Variants in ACYP2 observed in about 807,000 individuals in gnomAD.
ACYP2 encodes acylphosphatase-2.
Under a neutral mutation model 11.2 loss-of-function variants are expected in ACYP2, and 12 were observed. The observed-to-expected ratio is 1.08, with a 90% CI of 0.69 to 1.74. The LOEUF is 1.74. ACYP2 is among the 40% of genes most tolerant of loss of function. ACYP2 has a pLI of 0.00. For synonymous variants in ACYP2, 43 were observed against 32.2 expected, an observed-to-expected ratio of 1.33 and a Z score of -1.13; for missense variants, 134 against 101.9, an observed-to-expected ratio of 1.31 and a Z score of -1.35.
At chr2:53,973,049 C>T (rs1293343400) in intron 1 of ACYP2, among the ~76,000 whole-genome samples, 2 of 152,002 alleles carry the variant, frequency 1.3e-5, no homozygotes, top group Non-Finnish European at 2.9e-5. Flanking sequence ...GAAGGTAGGC[C>T]ACAAAGAATA....
intron 6 of ACYP2, among the ~76,000 whole-genome samples, chr2:54,148,970 G>C (rs1054265037): frequency 1.3e-5 from 2 of 152,160 alleles, no homozygotes; most frequent in African/African-American, 4.8e-5. Context: ...AATAGTGCCA[G>C]TCCAGGAACG....
rs547791076 is a variant in ACYP2, at chr2:54,066,456, C to T, written c.277+9096C>T. Among the ~76,000 whole-genome samples the T allele has an allele frequency of 3.9e-4, 60 of 152,262 alleles. 1 individual carries two copies. In the South Asian group the frequency reaches 0.012, roughly 29 times the overall value. On this transcript the variant is annotated intron_variant, in intron 4 of 6. Coordinates refer to ENST00000607452, the MANE Select transcript of ACYP2 (RefSeq NM_001320586.2). ...AGCAGTGTGAAAACAAACTAGTGCA[C>T]GCTTCAACCGTATGAAATAGATATT...
intron 6 of ACYP2, among the ~76,000 whole-genome samples, chr2:54,252,509 G>A (rs843709): frequency 0.42 from 63,982 of 151,750 alleles, 13,734 homozygotes; most frequent in South Asian, 0.56. Context: ...ACAGTATATG[G>A]GCCTTTTGGT....
chr2:54,113,924 G>A (rs1245171898), intron 4 of ACYP2, among the ~76,000 whole-genome samples: 1 of 152,154 alleles, frequency 6.6e-6, no homozygotes, highest in African/African-American at 2.4e-5. Flanking sequence ...TCTAGAGTCT[G>A]CATGGAATGA....
intron 4 of ACYP2, among the ~76,000 whole-genome samples, chr2:54,126,336 G>A (rs1680498831): frequency 6.6e-6 from 1 of 152,102 alleles, no homozygotes; most frequent in Admixed American, 6.5e-5. Context: ...GTAATTCTGT[G>A]CAACCAGTTT....
chr2:53,986,678 G>A (rs1224240348), intron 2 of ACYP2, among the ~76,000 whole-genome samples: 2 of 148,654 alleles, frequency 1.3e-5, no homozygotes, highest in African/African-American at 5.0e-5. Context: ...AGGATGGAGT[G>A]CAGTGGTGTG....
At position 54,100,898 on chromosome 2, in the gene ACYP2, A is replaced by G. The variant is rs1256866876; in HGVS notation, c.278-34555A>G. Among the ~76,000 whole-genome samples, 26 of 152,240 alleles carry G rather than the reference A, an allele frequency of 1.7e-4. 1 individual carries two copies. Among genetic ancestry groups the G allele is most frequent in the Admixed American group, 1.7e-3 (26 of 15,290 alleles). On this transcript the variant is annotated intron_variant, in intron 4 of 6. Coordinates refer to ENST00000607452, the MANE Select transcript of ACYP2 (RefSeq NM_001320586.2). The stretch of plus-strand genomic sequence containing the variant: ...ATAAAATGTCTTGAATATCATGCCA[A>G]GAAATGTGGACTTTGTAGGTGCTAG...
rs1672545388 is a variant in ACYP2, at chr2:53,995,789, A to G, written c.62+21979A>G. On this transcript the variant is annotated intron_variant, in intron 2 of 6. Coordinates refer to ENST00000607452, the MANE Select transcript of ACYP2 (RefSeq NM_001320586.2). ...AATTTTTTACTTATGTAAATTTTGT[A>G]GGGTGTAACTTCCCACATATTTCCA... Among the ~76,000 whole-genome samples the G allele has an allele frequency of 2.6e-5, 4 of 152,088 alleles. No homozygotes were observed. The South Asian group carries it at 8.3e-4, about 32-fold the overall frequency.
At chr2:54,148,369 G>A (rs942200554) in intron 6 of ACYP2, among the ~76,000 whole-genome samples, 13 of 152,198 alleles carry the variant, frequency 8.5e-5, no homozygotes, top group African/African-American at 1.2e-4. Flanking sequence ...TGGGGCTTCA[G>A]GTGAAAGAAG....
At chr2:54,294,249 C>T (rs1006736906) in intron 6 of ACYP2, among the ~76,000 whole-genome samples, 4 of 152,056 alleles carry the variant, frequency 2.6e-5, no homozygotes, top group Admixed American at 6.5e-5. Flanking sequence ...TTTATATCAC[C>T]CCAGGAGCTT....
chr2:54,031,368 A>G (rs1455019903), intron 2 of ACYP2, among the ~76,000 whole-genome samples: 1 of 147,722 alleles, frequency 6.8e-6, no homozygotes, highest in Non-Finnish European at 1.5e-5. Context: ...GAGTGAGAAC[A>G]TGCAGTGTTT....
chr2:54,072,513 T>TTTTTCTTCTTTCTTTCTTTCC (rs148411653), intron 4 of ACYP2, among the ~76,000 whole-genome samples: 10 of 146,152 alleles, frequency 6.8e-5, no homozygotes, highest in South Asian at 4.4e-4. Context: ...CTCTCTCTCT[T>TTTTTCTTCTTTCTTTCTTTCC]TCTTTCTTCT....
chr2:54,233,243 G>T (rs970298924), intron 6 of ACYP2, among the ~76,000 whole-genome samples: 6 of 150,334 alleles, frequency 4.0e-5, no homozygotes, highest in African/African-American at 7.4e-5. Flanking sequence ...TGACATATGT[G>T]TATACCTGTG....
intron 6 of ACYP2, among the ~76,000 whole-genome samples, chr2:54,293,060 C>T (rs10195643): frequency 0.028 from 4,206 of 152,210 alleles, 197 homozygotes; most frequent in African/African-American, 0.094. Flanking sequence ...GTGTTAAACA[C>T]TTTACAGATT....
intron 6 of ACYP2, among the ~76,000 whole-genome samples, chr2:54,173,663 T>C (rs1683316817): frequency 6.6e-6 from 1 of 152,230 alleles, no homozygotes; most frequent in East Asian, 1.9e-4. Flanking sequence ...TAGGGTTTTA[T>C]GGTTTTAGGT....
intron 2 of ACYP2, among the ~76,000 whole-genome samples, chr2:54,019,622 T>C (rs1420496643): frequency 6.6e-6 from 1 of 150,570 alleles, no homozygotes; most frequent in Non-Finnish European, 1.5e-5. Context: ...ATTATTATTA[T>C]TATTATTATT....
At chr2:54,081,151 G>A (rs558329222) in intron 4 of ACYP2, among the ~76,000 whole-genome samples, 3 of 152,222 alleles carry the variant, frequency 2.0e-5, no homozygotes, top group South Asian at 2.1e-4. Context: ...ATCAGTGTTC[G>A]AGGAGTCTGC....
At chr2:54,175,978 C>A (rs190662995) in intron 6 of ACYP2, among the ~76,000 whole-genome samples, 26 of 152,174 alleles carry the variant, frequency 1.7e-4, no homozygotes, top group Admixed American at 9.8e-4. Flanking sequence ...GCTCTCACAC[C>A]CCCTTTACCA....
chr2:54,110,974 G>A (rs1679430970), intron 4 of ACYP2, among the ~76,000 whole-genome samples: 2 of 152,044 alleles, frequency 1.3e-5, no homozygotes, highest in African/African-American at 4.8e-5. Flanking sequence ...TGGTAGGGCA[G>A]AGATATGAGC....
Sources: allele counts gnomAD v4.1 joint callset (sites outside exome capture counted in the v4.1 genomes callset), GRCh38; gene constraint gnomAD v4.1.1; transcripts MANE v1.5; gene names NCBI Gene and HGNC (gene_info 2026-07-23, HGNC 2026-07-21).